The following EPHA6 variants were observed in gnomAD, a reference collection of about 807,000 sequenced individuals.
EPHA6 encodes the protein ephrin type-A receptor 6.
In EPHA6, 50 loss-of-function variants were observed where a neutral mutation model predicts 112.0. That is an observed-to-expected ratio of 0.45 (90% CI 0.36 to 0.56). The LOEUF (loss-of-function observed/expected upper bound fraction) is 0.56. Ranked by LOEUF, EPHA6 falls within the 20% of genes least tolerant of loss-of-function variation. The pLI is 0.00. For synonymous variants in EPHA6, 529 were observed against 490.7 expected, an observed-to-expected ratio of 1.08 and a Z score of -1.03; for missense variants, 1,280 against 1,417.4, an observed-to-expected ratio of 0.90 and a Z score of 1.56.
chr3:97,641,298 A>T (rs1453883207), intron 14 of EPHA6, among the ~76,000 whole-genome samples: 1 of 152,222 alleles, frequency 6.6e-6, no homozygotes, highest in Non-Finnish European at 1.5e-5. Flanking sequence ...TTAGCCCCCA[A>T]ATACTTTTCA....
chr3:97,603,734 G>A (rs955178665), intron 12 of EPHA6, among the ~76,000 whole-genome samples: 1 of 151,856 alleles, frequency 6.6e-6, no homozygotes, highest in Admixed American at 6.6e-5. Context: ...ATATGTTATA[G>A]TATGTTATTT....
At chr3:96,952,449 G>A (rs1467383672) in intron 2 of EPHA6, among the ~76,000 whole-genome samples, 1 of 152,136 alleles carries the variant, frequency 6.6e-6, no homozygotes, top group Non-Finnish European at 1.5e-5. Context: ...GTTAGTTCTT[G>A]TGAGAGTAGG....
At chr3:97,642,790 T>C (rs2094020629) in intron 14 of EPHA6, among the ~76,000 whole-genome samples, 1 of 151,214 alleles carries the variant, frequency 6.6e-6, no homozygotes, top group South Asian at 2.1e-4. Context: ...TGGGACTATG[T>C]GAAAAGACCA....
intron 3 of EPHA6, among the ~76,000 whole-genome samples, chr3:97,102,416 G>A (rs1256288091): frequency 2.0e-5 from 3 of 152,024 alleles, no homozygotes; most frequent in African/African-American, 7.2e-5. Flanking sequence ...ATTAAATGTG[G>A]GTAGGGGGAT....
intron 11 of EPHA6, among the ~76,000 whole-genome samples, chr3:97,545,013 A>G (rs1410776461): frequency 1.3e-5 from 2 of 152,180 alleles, no homozygotes; most frequent in African/African-American, 4.8e-5. Flanking sequence ...TCAAAAAACC[A>G]GCTCCTGGAT....
At chr3:97,305,195 C>T (rs1464784963) in intron 5 of EPHA6, among the ~76,000 whole-genome samples, 8 of 151,940 alleles carry the variant, frequency 5.3e-5, no homozygotes, top group Non-Finnish European at 1.0e-4. Flanking sequence ...CATCTCATGC[C>T]AGTCAGCATG....
Position 97,084,419 on chromosome 3 carries a change from G to C in EPHA6, c.1114+96426G>C, listed in dbSNP as rs936407622. On this transcript the variant is annotated intron_variant, in intron 3 of 17. Coordinates refer to ENST00000389672, the MANE Select transcript of EPHA6 (RefSeq NM_001080448.3). ...AACACAGACTCCTCTCTATAACTTT[G>C]CTTTAATATCATACTAGAAATGCTG... Among the ~76,000 whole-genome samples the C allele has an allele frequency of 7.9e-5, 12 of 151,584 alleles. No individual in the cohort carries two copies. In the East Asian group the frequency reaches 2.3e-3, roughly 30 times the overall value.
chr3:97,059,932 C>G (rs149406014), intron 3 of EPHA6, among the ~76,000 whole-genome samples: 2,057 of 151,856 alleles, frequency 0.014, 43 homozygotes, highest in African/African-American at 0.045. Context: ...ATCAGCCTGG[C>G]CAATATGGTG....
intron 5 of EPHA6, among the ~76,000 whole-genome samples, chr3:97,274,168 T>A (rs987367122): frequency 1.3e-5 from 2 of 152,178 alleles, no homozygotes; most frequent in Non-Finnish European, 2.9e-5. Context: ...CCTGTGAGGC[T>A]GGAAGGAGAT....
At position 96,884,820 on chromosome 3, in the gene EPHA6, T is replaced by G. The variant is rs536170372; in HGVS notation, c.450+17931T>G. On this transcript the variant is annotated intron_variant, in intron 2 of 17. Transcript: ENST00000389672. Reference sequence around the variant, plus strand: ...TTGTTCCAGTTCTCAGAGGGAATGCTTTCAACTTTTCTCCATTCAGTATTA... The same window carrying G: ...TTGTTCCAGTTCTCAGAGGGAATGCGTTCAACTTTTCTCCATTCAGTATTA... Among the ~76,000 whole-genome samples the G allele has an allele frequency of 1.2e-4, 19 of 152,296 alleles. 1 individual carries two copies. The South Asian group carries it at 3.9e-3, about 32-fold the overall frequency.
chr3:97,054,298 A>G (rs1041859338), intron 3 of EPHA6, among the ~76,000 whole-genome samples: 2 of 152,142 alleles, frequency 1.3e-5, no homozygotes, highest in African/African-American at 4.8e-5. Flanking sequence ...ATGGCTAAAA[A>G]TAGGTTTCAT....
intron 5 of EPHA6, among the ~76,000 whole-genome samples, chr3:97,368,383 TTCA>T (rs1439411079): frequency 6.6e-6 from 1 of 152,148 alleles, no homozygotes; most frequent in Non-Finnish European, 1.5e-5. Context: ...TCAACAATAC[TTCA>T]TCGTGTATAA....
At position 97,646,063 on chromosome 3, in the gene EPHA6, T is replaced by C. The variant is rs150980589; in HGVS notation, c.2784+7981T>C. ...ATGCTACATGGAAGCTATCCTTTTC[T>C]AATCAAAATACGGACAGAATAGGCA... is the stretch of plus-strand genomic sequence containing the variant. On this transcript the variant is annotated intron_variant, in intron 14 of 17. Coordinates refer to ENST00000389672, the MANE Select transcript of EPHA6 (RefSeq NM_001080448.3). 126 of 1,332,964 alleles carry C rather than the reference T, an allele frequency of 9.5e-5. No individual in the cohort carries two copies. In the African/African-American group the frequency reaches 1.6e-3, roughly 17 times the overall value. 82.6% of individuals were successfully genotyped at this position (1,332,964 alleles called of 1,614,324 possible).
At chr3:97,145,325 A>T (rs537017851) in intron 3 of EPHA6, among the ~76,000 whole-genome samples, 1 of 151,506 alleles carries the variant, frequency 6.6e-6, no homozygotes, top group Non-Finnish European at 1.5e-5. Flanking sequence ...TATTTTGTAT[A>T]TATTCTATAC....
chr3:97,090,828 T>C (rs376117001), intron 3 of EPHA6, among the ~76,000 whole-genome samples: 2 of 152,098 alleles, frequency 1.3e-5, no homozygotes, highest in African/African-American at 4.8e-5. Context: ...TTGAGATTTA[T>C]TTTTTAAATT....
chr3:97,468,510 A>G (rs1205982304), intron 7 of EPHA6, among the ~76,000 whole-genome samples: 1 of 151,500 alleles, frequency 6.6e-6, no homozygotes, highest in Non-Finnish European at 1.5e-5. Context: ...ATAGCATCAA[A>G]TATTGAATGA....
rs566159233 is a variant in EPHA6 at position 96,852,205 on chromosome 3, G to A, written c.386-14620G>A. On this transcript the variant is annotated intron_variant, in intron 1 of 17. Transcript: ENST00000389672. ...GTGAGTCCAGTGCTACATCAAGAGG[G>A]TGTTTGGGCCAGGTGCAGTGGCTCA... is the stretch of plus-strand genomic sequence containing the variant. Among the ~76,000 whole-genome samples the A allele has an allele frequency of 1.2e-4, 18 of 152,106 alleles. No homozygotes were observed. In the South Asian group the frequency reaches 3.3e-3, roughly 28 times the overall value.
intron 1 of EPHA6, among the ~76,000 whole-genome samples, chr3:96,821,727 C>G (rs942501601): frequency 1.3e-5 from 2 of 151,618 alleles, no homozygotes; most frequent in Non-Finnish European, 3.0e-5. Flanking sequence ...TACCAATTAA[C>G]CCCAATAAAG....
chr3:97,465,661 A>G (rs1402308391), intron 7 of EPHA6, among the ~76,000 whole-genome samples: 1 of 152,062 alleles, frequency 6.6e-6, no homozygotes, highest in Non-Finnish European at 1.5e-5. Flanking sequence ...GAGTTTTGGC[A>G]TAAAGCAATA....
Sources: allele counts gnomAD v4.1 joint callset (sites outside exome capture counted in the v4.1 genomes callset), GRCh38; gene constraint gnomAD v4.1.1; transcripts MANE v1.5; gene names NCBI Gene and HGNC (gene_info 2026-07-23, HGNC 2026-07-21).